Variants in LEKR1 observed in about 807,000 individuals in gnomAD.
LEKR1 encodes the protein protein LEKR1.
Under a neutral mutation model 72.4 loss-of-function variants are expected in LEKR1, and 59 were observed. That is an observed-to-expected ratio of 0.82 (90% CI 0.66 to 1.01). The LOEUF (loss-of-function observed/expected upper bound fraction) is 1.01, where lower values mean the gene tolerates loss of function less well. Among genes scored for constraint, LEKR1 ranks in the 50% least tolerant of loss-of-function variants. LEKR1 has a pLI of 0.00. For synonymous variants in LEKR1, 257 were observed against 263.2 expected (o/e 0.98, Z 0.23); for missense variants, 728 against 759.2 (o/e 0.96, Z 0.48).
rs139121262 is a variant in LEKR1 at position 156,866,429 on chromosome 3, G to A, written c.263+13447G>A. On this transcript the variant is annotated intron_variant, in intron 3 of 12. Coordinates refer to ENST00000356539, the MANE Select transcript of LEKR1 (RefSeq NM_001004316.3). ...GAGGCAGATTGGTCTTCTTGCAATG[G>A]TGAGATTACTGTGAGGATGAGCATG... Among the ~76,000 whole-genome samples, 963 of 152,114 alleles carry A rather than the reference G, an allele frequency of 6.3e-3. 11 individuals are homozygous for A. The highest frequency in any genetic ancestry group is 0.022 in the African/African-American group (922 of 41,514).
intron 9 of LEKR1, among the ~76,000 whole-genome samples, chr3:156,994,127 T>G (rs1731357211): frequency 6.6e-6 from 1 of 152,142 alleles, no homozygotes; most frequent in South Asian, 2.1e-4. Context: ...TGTTTTTCAT[T>G]CTTCCTATCA....
chr3:156,952,914 C>T (rs1018608783), intron 6 of LEKR1, among the ~76,000 whole-genome samples: 1 of 151,208 alleles, frequency 6.6e-6, no homozygotes, highest in Non-Finnish European at 1.5e-5. Context: ...GTTCCTTGTT[C>T]CTTGGAGAGA....
intron 9 of LEKR1, among the ~76,000 whole-genome samples, chr3:157,008,477 T>C (rs1028395717): frequency 2.6e-5 from 4 of 152,242 alleles, no homozygotes; most frequent in Non-Finnish European, 5.9e-5. Context: ...AGTGAACTTC[T>C]GTGTATCAAC....
intron 6 of LEKR1, among the ~76,000 whole-genome samples, chr3:156,947,094 T>G (rs1424769715): frequency 6.6e-6 from 1 of 151,192 alleles, no homozygotes; most frequent in Non-Finnish European, 1.5e-5. Context: ...TCTTTTGTAT[T>G]GTTTTCTTCA....
chr3:156,858,392 G>T (rs1390865223), intron 3 of LEKR1, among the ~76,000 whole-genome samples: 1 of 151,930 alleles, frequency 6.6e-6, no homozygotes, highest in African/African-American at 2.4e-5. Context: ...TATTTATCAG[G>T]CCAGGCGCGG....
chr3:156,928,733 G>T (rs1353290617), intron 5 of LEKR1, among the ~76,000 whole-genome samples: 1 of 151,956 alleles, frequency 6.6e-6, no homozygotes, highest in African/African-American at 2.4e-5. Flanking sequence ...AAATACATGT[G>T]CTCAATGAAG....
At chr3:156,900,884 A>G (rs1721963176) in intron 3 of LEKR1, among the ~76,000 whole-genome samples, 1 of 152,226 alleles carries the variant, frequency 6.6e-6, no homozygotes, top group African/African-American at 2.4e-5. Context: ...TTCGGCATTT[A>G]TAAATGTATA....
At chr3:156,907,217 C>A (rs1012049206) in intron 3 of LEKR1, among the ~76,000 whole-genome samples, 60 of 152,088 alleles carry the variant, frequency 3.9e-4, no homozygotes, top group African/African-American at 1.4e-3. Context: ...GTAGAGATCA[C>A]CCTGCTTTAA....
chr3:156,990,291 CATG>C (rs1731049439), intron 7 of LEKR1, among the ~76,000 whole-genome samples: 1 of 152,168 alleles, frequency 6.6e-6, no homozygotes, highest in Admixed American at 6.5e-5. Flanking sequence ...TCTGGAGGCA[CATG>C]ATAACAATTT....
intron 6 of LEKR1, among the ~76,000 whole-genome samples, chr3:156,944,519 T>C (rs1258869649): frequency 6.6e-6 from 1 of 151,726 alleles, no homozygotes; most frequent in East Asian, 1.9e-4. Flanking sequence ...TGTCTAACCA[T>C]ATATTTGTAC....
chr3:156,907,745 G>C (rs1289075789), intron 3 of LEKR1, among the ~76,000 whole-genome samples: 1 of 152,008 alleles, frequency 6.6e-6, no homozygotes, highest in African/African-American at 2.4e-5. Context: ...CATAACTAGG[G>C]TACAATTATA....
At chr3:157,021,120 G>A (rs1733800045) in intron 10 of LEKR1, among the ~76,000 whole-genome samples, 2 of 151,906 alleles carry the variant, frequency 1.3e-5, no homozygotes, top group Admixed American at 1.3e-4. Context: ...ACTTTTTGAT[G>A]GGGTTGTTTG....
At chr3:156,905,479 T>C (rs1311581216) in intron 3 of LEKR1, among the ~76,000 whole-genome samples, 10 of 152,296 alleles carry the variant, frequency 6.6e-5, no homozygotes, top group African/African-American at 2.4e-4. Flanking sequence ...CCAAATAATT[T>C]GGTTTTAAAT....
At chr3:156,912,400 G>T (rs1034434469) in intron 3 of LEKR1, among the ~76,000 whole-genome samples, 1 of 152,094 alleles carries the variant, frequency 6.6e-6, no homozygotes, top group Non-Finnish European at 1.5e-5. Flanking sequence ...AAGGAGTGGG[G>T]GGTAGCAGGT....
rs1325809408 is a variant in LEKR1 at position 156,884,983 on chromosome 3, G to A, written c.263+32001G>A. On this transcript the variant is annotated intron_variant, in intron 3 of 12. Transcript: ENST00000356539. ...GAGACTTTGTTCATTTTCTAAAATT[G>A]TTTTCTCTTTGTCTTTGTCAGATTG... Among the ~76,000 whole-genome samples the A allele has an allele frequency of 2.0e-5, 3 of 152,092 alleles. No individual in the cohort carries two copies. In the East Asian group the frequency reaches 5.8e-4, roughly 29 times the overall value.
chr3:156,899,936 C>A (rs1464349297), intron 3 of LEKR1, among the ~76,000 whole-genome samples: 1 of 151,904 alleles, frequency 6.6e-6, no homozygotes, highest in Admixed American at 6.6e-5. Context: ...CAGGCACTTA[C>A]CCTTTGTAAT....
At chr3:157,013,487 A>C (rs1041405166) in intron 10 of LEKR1, among the ~76,000 whole-genome samples, 11 of 152,180 alleles carry the variant, frequency 7.2e-5, no homozygotes, top group Non-Finnish European at 8.8e-5. Context: ...ATGATTCTAT[A>C]TAATATTCTA....
At chr3:156,919,629 A>G (rs1449291637) in intron 3 of LEKR1, among the ~76,000 whole-genome samples, 1 of 152,192 alleles carries the variant, frequency 6.6e-6, no homozygotes, top group Non-Finnish European at 1.5e-5. Flanking sequence ...TTGGCAACCA[A>G]TATTTCTGTA....
At chr3:157,037,117 C>A (rs1266161638) in intron 12 of LEKR1, among the ~76,000 whole-genome samples, 1 of 152,116 alleles carries the variant, frequency 6.6e-6, no homozygotes, top group African/African-American at 2.4e-5. Flanking sequence ...GGAAGCTGAA[C>A]CCTCATCTTC....
Sources: gnomAD v4.1 joint callset for allele counts (sites outside exome capture counted in the v4.1 genomes callset) on GRCh38, gnomAD v4.1.1 for gene constraint, MANE v1.5 for transcripts, NCBI Gene and HGNC (gene_info 2026-07-23, HGNC 2026-07-21) for gene names.